The following ZFHX3 variants were observed in gnomAD, a reference collection of about 807,000 sequenced individuals.
ZFHX3 encodes zinc finger homeobox 3, also known as zinc finger homeobox protein 3.
A neutral mutation model predicts 279.1 loss-of-function variants in ZFHX3; 42 were observed. The ratio of observed to expected loss-of-function variants is 0.15; its 90% CI spans 0.12 to 0.19. The LOEUF is 0.19. ZFHX3 is among the 10% of genes least tolerant of loss of function. The probability of loss-of-function intolerance (pLI) is 1.00; values close to 1 mark genes in which losing one functional copy is unlikely to be tolerated. For missense variants in ZFHX3, 4,981 were observed against 4,754.0 expected (o/e 1.05, Z -1.40); for synonymous variants, 2,293 against 1,957.8 (o/e 1.17, Z -4.52).
rs1443293275 is a variant in ZFHX3, at chr16:72,796,139, C to T, written c.6543G>A (p.Lys2181=). Residue 2181 remains lysine, a synonymous_variant, in exon 9 of 10, where the codon AAG becomes AAA. Coordinates refer to ENST00000268489, the MANE Select transcript of ZFHX3 (RefSeq NM_006885.4). The part of the protein sequence containing the change: ...SEEQIKEMAD[K]SGLPQKVIKH... ...TGATCACTTTCTGGGGCAACCCGGA[C>T]TTGTCTGCCATCTCTTTTATTTGCT... 2 of 1,614,084 alleles carry T rather than the reference C, an allele frequency of 1.2e-6. No homozygotes were observed. Among genetic ancestry groups the T allele is most frequent in the Admixed American group, 1.7e-5 (1 of 60,010 alleles).
At chr16:73,891,224 C>T (rs1597160967) in intron 1 of ZFHX3, among the ~76,000 whole-genome samples, 2 of 152,206 alleles carry the variant, frequency 1.3e-5, no homozygotes, top group Admixed American at 1.3e-4. Context: ...GCATTCCCTC[C>T]AATCCCCACC....
chr16:73,410,596 G>A (rs1490322270), intron 3 of ZFHX3, among the ~76,000 whole-genome samples: 3 of 152,162 alleles, frequency 2.0e-5, no homozygotes, highest in African/African-American at 7.2e-5. Context: ...TAACTACTGT[G>A]TATCCACAAT....
chr16:72,846,204 A>G (rs2037475725), intron 4 of ZFHX3, among the ~76,000 whole-genome samples: 1 of 152,226 alleles, frequency 6.6e-6, no homozygotes, highest in Non-Finnish European at 1.5e-5. Context: ...GGTCAACGAT[A>G]AAGTAGAAAA....
intron 2 of ZFHX3, among the ~76,000 whole-genome samples, chr16:73,602,530 T>C (rs1338419363): frequency 6.6e-6 from 1 of 152,210 alleles, no homozygotes; most frequent in Non-Finnish European, 1.5e-5. Flanking sequence ...CAAAAAGTAC[T>C]TTTAGGAAGA....
intron 4 of ZFHX3, among the ~76,000 whole-genome samples, chr16:72,856,160 G>C (rs1187117008): frequency 6.6e-6 from 1 of 152,188 alleles, no homozygotes; most frequent in African/African-American, 2.4e-5. Context: ...CTATGAAGGG[G>C]GGAAAGAAAC....
chr16:72,916,552 T>A (rs4788675), intron 3 of ZFHX3, among the ~76,000 whole-genome samples: 103,302 of 152,200 alleles, frequency 0.68, 37,110 homozygotes, highest in African/African-American at 0.91. Context: ...AGGTGAAATG[T>A]AAATCATTTG....
At chr16:73,214,843 CTTTTTTT>C (rs386385051) in intron 5 of ZFHX3, among the ~76,000 whole-genome samples, 3 of 79,250 alleles carry the variant, frequency 3.8e-5, no homozygotes, top group African/African-American at 1.0e-4. Flanking sequence ...TGCTGAAGGC[CTTTTTTT>C]TTTTTTTTTT....
intron 3 of ZFHX3, among the ~76,000 whole-genome samples, chr16:73,454,428 A>G (rs1472274052): frequency 6.6e-6 from 1 of 152,198 alleles, no homozygotes; most frequent in Non-Finnish European, 1.5e-5. Flanking sequence ...AAATATCTCA[A>G]GAGGAGTTCA....
chr16:72,871,958 G>A (rs7193479), intron 4 of ZFHX3, among the ~76,000 whole-genome samples: 3,611 of 152,124 alleles, frequency 0.024, 92 homozygotes, highest in East Asian at 0.076. Flanking sequence ...GCTGGTGGGC[G>A]CCTGTAGTCC....
chr16:73,607,966 G>A (rs1401276581), intron 2 of ZFHX3, among the ~76,000 whole-genome samples: 1 of 152,050 alleles, frequency 6.6e-6, no homozygotes, highest in Non-Finnish European at 1.5e-5. Flanking sequence ...CAGCTACTCA[G>A]GAAGCTGAGA....
chr16:73,535,520 A>C (rs1403752967), intron 2 of ZFHX3, among the ~76,000 whole-genome samples: 1 of 152,156 alleles, frequency 6.6e-6, no homozygotes, highest in African/African-American at 2.4e-5. Flanking sequence ...TGGAGTATGA[A>C]GTTGGGAACT....
chr16:73,834,983 G>C (rs1961100091), intron 1 of ZFHX3, among the ~76,000 whole-genome samples: 1 of 152,208 alleles, frequency 6.6e-6, no homozygotes, highest in Non-Finnish European at 1.5e-5. Flanking sequence ...TGCAGTGTTT[G>C]TAGAACAGGG....
intron 5 of ZFHX3, among the ~76,000 whole-genome samples, chr16:72,818,168 GA>G (rs2036669696): frequency 1.3e-5 from 2 of 152,192 alleles, no homozygotes; most frequent in Admixed American, 6.5e-5. Context: ...CACCAGATCT[GA>G]AAATGGTCCT....
chr16:72,933,944 G>A (rs1241005455), intron 3 of ZFHX3, among the ~76,000 whole-genome samples: 3 of 149,710 alleles, frequency 2.0e-5, no homozygotes, highest in Non-Finnish European at 3.0e-5. Flanking sequence ...TCAGCCTCCC[G>A]AGTAGCTGGG....
At chr16:73,172,198 C>T (rs1012226716) in intron 5 of ZFHX3, among the ~76,000 whole-genome samples, 1 of 152,212 alleles carries the variant, frequency 6.6e-6, no homozygotes, top group African/African-American at 2.4e-5. Flanking sequence ...CACCCGAGCC[C>T]AAGCCTCCAA....
rs2035201029 is a variant in ZFHX3, at chr16:72,783,229, T to G, written c.*3935A>C. On this transcript the variant is annotated 3_prime_UTR_variant, in exon 10 of 10. Coordinates refer to ENST00000268489, the MANE Select transcript of ZFHX3 (RefSeq NM_006885.4). ...TTGTACATTGCAAAGGCTGTTCATA[T>G]ACCTCTTCACCTCAGGGTCACGTTC... is the stretch of plus-strand genomic sequence containing the variant. 1 of 152,434 alleles carries G rather than the reference T, an allele frequency of 6.6e-6. No homozygotes were observed. The highest frequency in any genetic ancestry group is 2.4e-5 in the African/African-American group (1 of 41,372). The allele number at this position is 152,434 out of a possible 1,614,324, so 9.4% of individuals were successfully genotyped here.
At chr16:73,299,096 T>A (rs376418173) in intron 4 of ZFHX3, among the ~76,000 whole-genome samples, 1 of 152,204 alleles carries the variant, frequency 6.6e-6, no homozygotes, top group Non-Finnish European at 1.5e-5. Context: ...ATGATTATTT[T>A]ACAGACTGGG....
rs533011209 is a variant in ZFHX3 at position 73,101,627 on chromosome 16, C to T, written c.-896-8029G>A. Among the ~76,000 whole-genome samples, 29 of 152,072 alleles carry T rather than the reference C, an allele frequency of 1.9e-4. No individual in the cohort carries two copies. In the East Asian group the frequency reaches 5.6e-3, roughly 30 times the overall value. ...ATGTTGGCCAGGCTGGGCTCGAACT[C>T]CTGACATCAAGTGATCCGCTCACGT... On this transcript the variant is annotated intron_variant, in intron 7 of 17. Transcript: ENST00000641206.
chr16:72,945,353 C>T (rs1960614638), intron 3 of ZFHX3, among the ~76,000 whole-genome samples: 1 of 152,184 alleles, frequency 6.6e-6, no homozygotes, highest in African/African-American at 2.4e-5. Context: ...TTGAAGTTAA[C>T]TGGTGGCCAC....
Sources: gnomAD v4.1 joint callset for allele counts (sites outside exome capture counted in the v4.1 genomes callset) on GRCh38, gnomAD v4.1.1 for gene constraint, MANE v1.5 for transcripts, NCBI Gene and HGNC (gene_info 2026-07-23, HGNC 2026-07-21) for gene names.